SULT1A2: variants seen among roughly 807,000 people sequenced by gnomAD.
The protein encoded by SULT1A2 is sulfotransferase family 1A member 2.
Under a neutral mutation model 36.0 loss-of-function variants are expected in SULT1A2, and 33 were observed. The ratio of observed to expected loss-of-function variants is 0.92; its 90% CI spans 0.69 to 1.22. SULT1A2 has a LOEUF of 1.22. Ranked by LOEUF, SULT1A2 falls within the 50% of genes most tolerant of loss-of-function variation. SULT1A2 has a pLI of 0.00. For synonymous variants in SULT1A2, 138 were observed against 144.5 expected, an observed-to-expected ratio of 0.96 and a Z score of 0.32; for missense variants, 367 against 383.2, an observed-to-expected ratio of 0.96 and a Z score of 0.35.
Position 28,592,244 on chromosome 16 carries a change from C to G in SULT1A2, c.775+19G>C, listed in dbSNP as rs190489373. The G allele has an allele frequency of 6.2e-7, 1 of 1,614,014 alleles. No homozygotes were observed. Among genetic ancestry groups the G allele is most frequent in the Non-Finnish European group, 8.5e-7 (1 of 1,179,868 alleles). On this transcript the variant is annotated intron_variant, in intron 7 of 7. Coordinates refer to ENST00000335715, the MANE Select transcript of SULT1A2 (RefSeq NM_001054.4). Reference sequence around the variant, plus strand: ...GCTGCTCCCACCTGCTCCAAACCCCCGTGCTGGCCGGCACCTACCTTTCCT... The same window carrying G: ...GCTGCTCCCACCTGCTCCAAACCCCGGTGCTGGCCGGCACCTACCTTTCCT...
intron 6 of SULT1A2, 144 bp downstream of exon 6, chr16:28,593,108 G>C: frequency 8.0e-7 from 1 of 1,246,876 alleles, no homozygotes; most frequent in Non-Finnish European, 1.1e-6. Context: ...GGCTGCAGTG[G>C]GGCCTGGGCC....
intron 1 of SULT1A2, 64 bp downstream of exon 1, chr16:28,596,933 G>C (rs1853962469): frequency 8.9e-7 from 1 of 1,128,618 alleles, no homozygotes; most frequent in Non-Finnish European, 1.1e-6. Flanking sequence ...TCGGCTTCTG[G>C]AATGTTGGAG....
intron 2 of SULT1A2, 40 bp from the exon 3 acceptor site, chr16:28,595,715 G>A: frequency 1.3e-6 from 2 of 1,592,434 alleles, no homozygotes; most frequent in South Asian, 1.1e-5. Context: ...AGGCTGAGGT[G>A]AGCATGACCT....
chr16:28,594,109 G>GC (rs887009473), intron 4 of SULT1A2, among the ~76,000 whole-genome samples: 12 of 132,888 alleles, frequency 9.0e-5, no homozygotes, highest in Non-Finnish European at 1.9e-4. Flanking sequence ...TTTTTTTTTG[G>GC]GGGGGGGGAC....
Position 28,596,980 on chromosome 16 carries a change from T to G in SULT1A2, c.-5+17A>C. 1 of 1,260,992 alleles carries G rather than the reference T, an allele frequency of 7.9e-7. No individual in the cohort carries two copies. Among genetic ancestry groups the G allele is most frequent in the Non-Finnish European group, 1.0e-6 (1 of 971,518 alleles). 78.1% of individuals were successfully genotyped at this position (1,260,992 alleles called of 1,614,324 possible). The stretch of plus-strand genomic sequence containing the variant: ...GCAGGGTGAGGGCGTCCTGGGCCAT[T>G]CCGGTGTGTCACTCACCTGAGCTCT... On this transcript the variant is annotated intron_variant, in intron 1 of 7. Coordinates refer to ENST00000335715, the MANE Select transcript of SULT1A2 (RefSeq NM_001054.4).
chr16:28,594,831 A>G (rs12445519), intron 4 of SULT1A2, among the ~76,000 whole-genome samples: 11,937 of 122,222 alleles, frequency 0.098, 666 homozygotes, highest in East Asian at 0.17. Flanking sequence ...CCCAGGCTGC[A>G]GTGCAATGGT....
At chr16:28,593,668 G>A (rs1039665058) in intron 4 of SULT1A2, 100 bp from the exon 5 acceptor site, 2 of 1,569,632 alleles carry the variant, frequency 1.3e-6, no homozygotes, top group African/African-American at 2.7e-5. Context: ...GAGGCTTAGA[G>A]GCTGACTTGT....
At chr16:28,596,925 G>T in intron 1 of SULT1A2, 72 bp downstream of exon 1, 1 of 1,087,820 alleles carries the variant, frequency 9.2e-7, no homozygotes, top group East Asian at 6.4e-5. Flanking sequence ...CAGAGGCCTC[G>T]GCTTCTGGAA....
chr16:28,594,712 G>A (rs2047037727), intron 4 of SULT1A2, among the ~76,000 whole-genome samples: 2 of 140,710 alleles, frequency 1.4e-5, no homozygotes, highest in Middle Eastern at 4.2e-3. Context: ...CTCGACCTCC[G>A]AAAGTGCTGG....
At position 28,595,695 on chromosome 16, in the gene SULT1A2, G is replaced by GGAGGTGAGCAGGCT. The variant is rs1267343011; in HGVS notation, c.149-34_149-21dup. 6.2e-7 allele frequency: 1 copy of GGAGGTGAGCAGGCT among 1,613,788 alleles called. No individual in the cohort carries two copies. The highest frequency in any genetic ancestry group is 8.5e-7 in the Non-Finnish European group (1 of 1,179,816). ...TGGTGCCTGGAGAGGGAGGGAGATG[G>GGAGGTGAGCAGGCT]GAGGTGAGCAGGCTGAGGTGAGCAT... On this transcript the variant is annotated intron_variant, in intron 2 of 7. Coordinates refer to ENST00000335715, the MANE Select transcript of SULT1A2 (RefSeq NM_001054.4).
intron 1 of SULT1A2, chr16:28,596,425 G>T: frequency 1.1e-6 from 1 of 930,342 alleles, no homozygotes; most frequent in Non-Finnish European, 1.4e-6. Flanking sequence ...CTCCTAGGCT[G>T]GCCAGGCCTG....
intron 1 of SULT1A2, 134 bp from the exon 2 acceptor site, chr16:28,596,068 A>T: frequency 2.6e-6 from 4 of 1,555,794 alleles, no homozygotes; most frequent in Non-Finnish European, 3.5e-6. Flanking sequence ...AAGGCCAGTC[A>T]GTGGCGGGGC....
At chr16:28,592,611 G>C (rs2151658743) in intron 6 of SULT1A2, 168 bp from the exon 7 acceptor site, 3 of 1,278,280 alleles carry the variant, frequency 2.3e-6, no homozygotes, top group East Asian at 2.5e-5. Flanking sequence ...ATGAATTGCT[G>C]TCTGCCCTGT....
At chr16:28,596,841 AAAGG>A (rs2047064306) in intron 1 of SULT1A2, 152 bp downstream of exon 1, 1 of 437,288 alleles carries the variant, frequency 2.3e-6, no homozygotes, top group Non-Finnish European at 3.7e-6. Flanking sequence ...GAAAAAAAAA[AAAGG>A]AAGGGAGGGG....
rs2047020404 is a variant in SULT1A2 at position 28,593,424 on chromosome 16, TCCTC to T, written c.499+14_499+17del. Reference sequence around the variant, plus strand: ...CCACCCCTTAGCTCCACACCTTCCTTCCTCCCATCAAGCCCACCTTCTCCAGCCA... The same window carrying T: ...CCACCCCTTAGCTCCACACCTTCCTTCCATCAAGCCCACCTTCTCCAGCCA... On this transcript the variant is annotated intron_variant, in intron 5 of 7. Transcript: ENST00000335715. The T allele has an allele frequency of 6.2e-7, 1 of 1,614,006 alleles. No homozygotes were observed. The highest frequency in any genetic ancestry group is 8.5e-7 in the Non-Finnish European group (1 of 1,179,990).
intron 6 of SULT1A2, 120 bp downstream of exon 6, chr16:28,593,131 TG>T: frequency 7.0e-7 from 1 of 1,428,984 alleles, no homozygotes; most frequent in Middle Eastern, 2.5e-4. Context: ...GGAGTCAAGA[TG>T]GGGAATCCGG....
intron 4 of SULT1A2, among the ~76,000 whole-genome samples, chr16:28,594,803 A>T (rs1458829373): frequency 1.1e-5 from 1 of 86,972 alleles, no homozygotes; most frequent in African/African-American, 5.2e-5. Context: ...TTTTTGAGAC[A>T]GAGTTTTGCT....
chr16:28,596,843 A>T, intron 1 of SULT1A2, 154 bp downstream of exon 1: 17 of 410,274 alleles, frequency 4.1e-5, no homozygotes, highest in Non-Finnish European at 5.6e-5. Context: ...AAAAAAAAAA[A>T]GGAAGGGAGG....
chr16:28,593,160 C>A, intron 6 of SULT1A2, 92 bp downstream of exon 6: 1 of 1,578,132 alleles, frequency 6.3e-7, no homozygotes, highest in Middle Eastern at 2.3e-4. Flanking sequence ...GGAGGGGCCG[C>A]CCAGGGAGGG....
Sources: allele counts gnomAD v4.1 joint callset (sites outside exome capture counted in the v4.1 genomes callset), GRCh38; gene constraint gnomAD v4.1.1; transcripts MANE v1.5; gene names NCBI Gene and HGNC (gene_info 2026-07-23, HGNC 2026-07-21).